The following SAPCD2 variants were observed in gnomAD, a reference collection of about 807,000 sequenced individuals.
The protein encoded by SAPCD2 is suppressor APC domain containing 2.
A neutral mutation model predicts 37.8 loss-of-function variants in SAPCD2; 34 were observed. That is an observed-to-expected ratio of 0.90 (90% confidence interval 0.68 to 1.20). The LOEUF (loss-of-function observed/expected upper bound fraction) is 1.20, where lower values mean the gene tolerates loss of function less well. Among genes scored for constraint, SAPCD2 ranks in the 50% most tolerant of loss-of-function variants. The pLI, the probability that SAPCD2 is intolerant of heterozygous loss-of-function variation, is 0.00. For synonymous variants in SAPCD2, 275 were observed against 270.3 expected, an observed-to-expected ratio of 1.02 and a Z score of -0.17; for missense variants, 572 against 584.7, an observed-to-expected ratio of 0.98 and a Z score of 0.22.
chr9:137,070,391 G>A lies in SAPCD2; in HGVS notation c.70C>T (p.Leu24=). The A allele has an allele frequency of 2.2e-6, 3 of 1,374,336 alleles. No homozygotes were observed. The highest frequency in any genetic ancestry group is 1.6e-5 in the South Asian group (1 of 61,720). 85.1% of individuals were successfully genotyped at this position (1,374,336 alleles called of 1,614,324 possible). The part of the protein sequence containing the change: ...PPAPAPSTEG[L]PRAFLQSLRT... ...AGGCTCTGCAGGAAGGCGCGCGGCA[G>A]CCCCTCCGTGCTGGGCGCGGGTGCG... is the stretch of plus-strand genomic sequence containing the variant. The change falls in exon 1 of 6, where the codon CTG becomes TTG. Residue 24 remains leucine, a synonymous_variant. Coordinates refer to ENST00000409687, the MANE Select transcript of SAPCD2 (RefSeq NM_178448.4).
chr9:137,066,163 G>C, intron 2 of SAPCD2, 99 bp downstream of exon 2: 1 of 931,030 alleles, frequency 1.1e-6, no homozygotes, highest in Admixed American at 2.0e-5. Flanking sequence ...CTGTACTTCC[G>C]CCATGGACTC....
chr9:137,069,845 G>A, intron 1 of SAPCD2, 45 bp downstream of exon 1: 1 of 1,200,940 alleles, frequency 8.3e-7, no homozygotes, highest in Non-Finnish European at 1.0e-6. Flanking sequence ...TCTGGCCCGG[G>A]CCCGGGAGAG....
chr9:137,070,315 A>G lies in SAPCD2; in HGVS notation c.146T>C (p.Leu49Pro). The change falls in exon 1 of 6, where the codon CTG becomes CCG. Residue 49 changes from leucine (L) to proline (P), a missense_variant. Transcript: ENST00000409687. ...CTGCCAGCGGGACTCGATCTCGCGC[A>G]GGTGCACGCAGCCGCGCCGCCGGTC... ...LDDRRRGCVH[L>P]REIESRWQGT... 1 of 1,478,146 alleles carries G rather than the reference A, an allele frequency of 6.8e-7. No homozygotes were observed. Among genetic ancestry groups the G allele is most frequent in the Non-Finnish European group, 8.9e-7 (1 of 1,117,730 alleles). The allele number at this position is 1,478,146 out of a possible 1,614,324, so 91.6% of individuals were successfully genotyped here.
rs571168124 is a variant in SAPCD2, at chr9:137,065,522, G to A, written c.831C>T (p.Ala277=). Residue 277 remains alanine (A), a splice_region_variant and synonymous_variant, in exon 3 of 6, where the codon GCC becomes GCT. Coordinates refer to ENST00000409687, the MANE Select transcript of SAPCD2 (RefSeq NM_178448.4). The part of the protein sequence containing the change: ...QRRLGQSRAS[A]DFGAAGSPRP... ...CTGGGGACAGGGCTGTGGCACTCAC[G>A]GCGCTGGCTCTGCTCTGGCCCAGGC... is the stretch of plus-strand genomic sequence containing the variant. 1.2e-5 allele frequency: 19 copies of A among 1,595,916 alleles called. No individual in the cohort carries two copies. The highest frequency in any genetic ancestry group is 8.4e-5 in the Admixed American group (5 of 59,208).
chr9:137,069,398 C>T (rs950592536), intron 1 of SAPCD2, among the ~76,000 whole-genome samples: 4 of 152,218 alleles, frequency 2.6e-5, no homozygotes, highest in African/African-American at 7.2e-5. Flanking sequence ...CAGCAGCCCC[C>T]GCCTGCCTAG....
intron 2 of SAPCD2, 74 bp downstream of exon 2, chr9:137,066,187 GC>G (rs1005414571): frequency 3.4e-6 from 4 of 1,168,302 alleles, no homozygotes; most frequent in Admixed American, 2.0e-5. Flanking sequence ...CAGGCTCAAG[GC>G]CCCCCTGCTC....
Position 137,070,331 on chromosome 9 carries a change from G to T in SAPCD2, c.130C>A (p.Arg44Ser). Residue 44 changes from arginine to serine, a missense_variant, in exon 1 of 6, where the codon CGC (arginine) becomes AGC (serine). Coordinates refer to ENST00000409687, the MANE Select transcript of SAPCD2 (RefSeq NM_178448.4). ...ATCTCGCGCAGGTGCACGCAGCCGC[G>T]CCGCCGGTCGTCCAGGATGTCGAAC... Reference protein sequence around the residue: ...TLFDILDDRRRGCVHLREIES... With the variant: ...TLFDILDDRRSGCVHLREIES... 6.8e-7 allele frequency: 1 copy of T among 1,473,838 alleles called. No individual in the cohort carries two copies. The allele number at this position is 1,473,838 out of a possible 1,614,324, so 91.3% of individuals were successfully genotyped here. A position where few individuals can be genotyped will look rare whatever the true frequency, so the allele number is the denominator to read the frequency against.
intron 1 of SAPCD2, among the ~76,000 whole-genome samples, chr9:137,068,458 G>A (rs1195119954): frequency 6.6e-6 from 1 of 152,238 alleles, no homozygotes. Flanking sequence ...CCAGCCTGGA[G>A]CAAACACGCA....
chr9:137,065,767 A>G (rs2131528974), intron 2 of SAPCD2, 99 bp from the exon 3 acceptor site: 1 of 1,396,448 alleles, frequency 7.2e-7, no homozygotes, highest in Admixed American at 2.1e-5. Flanking sequence ...AGAGCCACAG[A>G]CACAAATGCA....
chr9:137,070,177 A>G lies in SAPCD2; in HGVS notation c.284T>C (p.Leu95Pro). ...CCGGGGGCCGCCGTCGGCGCTCAGCAGGGAGGTGCGCAGGCCGGCCACGAA... is the reference window on the plus strand; with the variant it reads ...CCGGGGGCCGCCGTCGGCGCTCAGCGGGGAGGTGCGCAGGCCGGCCACGAA... ...ERFVAGLRTS[L>P]LSADGGPRDP... Residue 95 changes from leucine (L) to proline (P), a missense_variant, in exon 1 of 6, where the codon CTG becomes CCG. Transcript: ENST00000409687. The G allele has an allele frequency of 7.6e-7, 1 of 1,323,164 alleles. No homozygotes were observed. The highest frequency in any genetic ancestry group is 1.9e-5 in the South Asian group (1 of 53,330). 82.0% of individuals were successfully genotyped at this position (1,323,164 alleles called of 1,614,324 possible). A position where few individuals can be genotyped will look rare whatever the true frequency, so the allele number is the denominator to read the frequency against.
intron 1 of SAPCD2, among the ~76,000 whole-genome samples, chr9:137,067,804 T>TAAAAAAAAA (rs1554747581): frequency 1.6e-5 from 1 of 61,330 alleles, no homozygotes; most frequent in Non-Finnish European, 3.7e-5. Flanking sequence ...AAAAAAAAAG[T>TAAAAAAAAA]CCCGCGTGTG....
intron 3 of SAPCD2, 47 bp downstream of exon 3, chr9:137,065,475 T>C: frequency 1.3e-6 from 2 of 1,541,860 alleles, no homozygotes; most frequent in Non-Finnish European, 1.8e-6. Flanking sequence ...TGGGGTGAGC[T>C]GGGGTCCCCA....
At chr9:137,066,921 C>T (rs1243406951) in intron 1 of SAPCD2, among the ~76,000 whole-genome samples, 1 of 152,124 alleles carries the variant, frequency 6.6e-6, no homozygotes, top group Admixed American at 6.5e-5. Flanking sequence ...CTTTTGGGGA[C>T]CAAGGCGGGT....
In SAPCD2 at chr9:137,064,865, G is replaced by C. The variant is rs897434504; in HGVS notation, c.1054C>G (p.Gln352Glu). The change falls in exon 5 of 6, where the codon CAG becomes GAG. Residue 352 changes from glutamine to glutamate, a missense_variant and splice_region_variant. By Grantham distance (29) the Gln-to-Glu change is conservative. Transcript: ENST00000409687. ...CACCCCTCCCGCGCCTGCCCTACCT[G>C]GGTGAGGAGTCGGTTCTGCTCCTTC... ...MLKEQNRLLT[Q>E]EVTEKSERIT... is the part of the protein sequence containing the mutation. 3 of 1,566,154 alleles carry C rather than the reference G, an allele frequency of 1.9e-6. No homozygotes were observed. Among genetic ancestry groups the C allele is most frequent in the African/African-American group, 2.7e-5 (2 of 73,768 alleles).
chr9:137,062,878 A>G lies in SAPCD2; in HGVS notation c.*1781T>C, dbSNP rs1372392109. 6.6e-6 allele frequency: 1 copy of G among 152,208 alleles called. No homozygotes were observed. Among genetic ancestry groups the G allele is most frequent in the Non-Finnish European group, 1.5e-5 (1 of 68,036 alleles). The allele number at this position is 152,208 out of a possible 1,614,324, so 9.4% of individuals were successfully genotyped here. A position where few individuals can be genotyped will look rare whatever the true frequency, so the allele number is the denominator to read the frequency against. ...TTCCGGAGGTGCCAGCCTGTCTCAC[A>G]TTTCCGCTTCAGCTGCGGGGTCCAG... On this transcript the variant is annotated 3_prime_UTR_variant, in exon 6 of 6. Coordinates refer to ENST00000409687, the MANE Select transcript of SAPCD2 (RefSeq NM_178448.4).
At position 137,070,230 on chromosome 9, in the gene SAPCD2, C is replaced by G; in HGVS notation, c.231G>C (p.Pro77=). 1 of 1,412,910 alleles carries G rather than the reference C, an allele frequency of 7.1e-7. No homozygotes were observed. Among genetic ancestry groups the G allele is most frequent in the South Asian group, 1.4e-5 (1 of 71,460 alleles). 87.5% of individuals were successfully genotyped at this position (1,412,910 alleles called of 1,614,324 possible). ...GVLEGLRQVA[P]ASGYLTFERF... ...GCTCGAAGGTCAGGTAGCCGCTGGC[C>G]GGGGCCACCTGGCGCAAGCCCTCCA... Residue 77 remains proline (P), a synonymous_variant, in exon 1 of 6, where the codon CCG becomes CCC. Coordinates refer to ENST00000409687, the MANE Select transcript of SAPCD2 (RefSeq NM_178448.4).
chr9:137,062,187 T>C lies in SAPCD2; in HGVS notation c.*2472A>G, dbSNP rs540921541. Reference sequence around the variant, plus strand: ...TATATAAAACACTGTTACTTTATATTCTCTCTGATAATTCTAGTATCTGGG... The same window carrying C: ...TATATAAAACACTGTTACTTTATATCCTCTCTGATAATTCTAGTATCTGGG... On this transcript the variant is annotated 3_prime_UTR_variant, in exon 6 of 6. Coordinates refer to ENST00000409687, the MANE Select transcript of SAPCD2 (RefSeq NM_178448.4). 1.3e-5 allele frequency: 2 copies of C among 152,354 alleles called. No homozygotes were observed. Among genetic ancestry groups the C allele is most frequent in the South Asian group, 4.1e-4 (2 of 4,826 alleles). The allele number at this position is 152,354 out of a possible 1,614,324, so 9.4% of individuals were successfully genotyped here.
In SAPCD2 at chr9:137,065,099, C is replaced by T; in HGVS notation, c.918G>A (p.Leu306=). 1 of 1,539,084 alleles carries T rather than the reference C, an allele frequency of 6.5e-7. No homozygotes were observed. Among genetic ancestry groups the T allele is most frequent in the African/African-American group, 1.4e-5 (1 of 73,150 alleles). The change falls in exon 4 of 6, where the codon CTG becomes CTA. Residue 306 remains leucine, a synonymous_variant. Coordinates refer to ENST00000409687, the MANE Select transcript of SAPCD2 (RefSeq NM_178448.4). ...TCACCCGGCTGGCACAGGCTGCAGC[C>T]AGCAGCTCCCCCAGGCACCGGGCCA... The part of the protein sequence containing the change: ...QEVARCLGEL[L]AAACASRALP...
Position 137,064,709 on chromosome 9 carries a change from G to A in SAPCD2, c.1135C>T (p.Arg379Cys), listed in dbSNP as rs771272108. 21 of 1,594,926 alleles carry A rather than the reference G, an allele frequency of 1.3e-5. No individual in the cohort carries two copies. Among genetic ancestry groups the A allele is most frequent in the Non-Finnish European group, 1.8e-5 (21 of 1,171,968 alleles). The change falls in exon 6 of 6, where the codon CGC becomes TGC. Residue 379 changes from arginine to cysteine, a missense_variant. Physicochemically the swap from Arg to Cys is radical, Grantham distance 180. Coordinates refer to ENST00000409687, the MANE Select transcript of SAPCD2 (RefSeq NM_178448.4). ...SALIKQLFEA[R>C]ALSQQDGGPL... is the part of the protein sequence containing the mutation. ...CCCCCGTCCTGCTGGCTCAGGGCGC[G>A]GGCCTCAAACAGCTGCTTAATGAGC...
Sources: gnomAD v4.1 joint callset for allele counts (sites outside exome capture counted in the v4.1 genomes callset) on GRCh38, gnomAD v4.1.1 for gene constraint, MANE v1.5 for transcripts, NCBI Gene and HGNC (gene_info 2026-07-23, HGNC 2026-07-21) for gene names.